Variants in CADPS observed in about 807,000 individuals in gnomAD.
CADPS encodes calcium-dependent secretion activator 1.
A neutral mutation model predicts 167.3 loss-of-function variants in CADPS; 57 were observed. The observed-to-expected ratio is 0.34, with a 90% CI of 0.28 to 0.42. The LOEUF is 0.42. Among genes scored for constraint, CADPS ranks in the 20% least tolerant of loss-of-function variants. CADPS has a pLI of 1.00. For synonymous variants in CADPS, 676 were observed against 635.3 expected (o/e 1.06, Z -0.96); for missense variants, 1,414 against 1,738.1 (o/e 0.81, Z 3.32).
intron 3 of CADPS, among the ~76,000 whole-genome samples, chr3:62,673,587 A>G (rs183885367): frequency 8.2e-4 from 125 of 152,344 alleles, no homozygotes; most frequent in Admixed American, 8.5e-4. Context: ...CAGGATAAAT[A>G]CATAACTTGA....
At chr3:62,808,040 A>AT (rs1168556580) in intron 1 of CADPS, among the ~76,000 whole-genome samples, 3 of 151,532 alleles carry the variant, frequency 2.0e-5, no homozygotes, top group Non-Finnish European at 4.4e-5. Flanking sequence ...CACCCAGCTA[A>AT]TTTTTTGTAT....
rs2068478349 is a variant in CADPS, at chr3:62,514,207, GAA to G, written c.2582-1441_2582-1440del. 6.6e-6 allele frequency among the ~76,000 whole-genome samples: 1 copy of G among 152,036 alleles called. No individual in the cohort carries two copies. The highest frequency in any genetic ancestry group is 1.5e-5 in the Non-Finnish European group (1 of 67,968). On this transcript the variant is annotated intron_variant, in intron 16 of 29. Coordinates refer to ENST00000383710, the MANE Select transcript of CADPS (RefSeq NM_003716.4). The surrounding 1 kb of genome is among the most constrained non-coding windows in gnomAD (Gnocchi z 4.2). ...AGGGTAGGATCAGAGCCTTGTAAAA[GAA>G]AGTTGTCTGGTAGTAATATCTTTCA... is the stretch of plus-strand genomic sequence containing the variant.
At chr3:62,758,173 C>G (rs1312035635) in intron 2 of CADPS, among the ~76,000 whole-genome samples, 2 of 152,220 alleles carry the variant, frequency 1.3e-5, no homozygotes, top group East Asian at 3.8e-4. Context: ...GTCACCTAAC[C>G]TCCATCAGTC....
intron 6 of CADPS, among the ~76,000 whole-genome samples, chr3:62,623,359 T>G (rs959576467): frequency 1.3e-5 from 2 of 152,152 alleles, no homozygotes; most frequent in African/African-American, 4.8e-5. Flanking sequence ...GGGAGTTGAC[T>G]TTTTGGAATG....
At chr3:62,705,353 C>T (rs2082129155) in intron 3 of CADPS, among the ~76,000 whole-genome samples, 1 of 152,114 alleles carries the variant, frequency 6.6e-6, no homozygotes, top group South Asian at 2.1e-4. Flanking sequence ...AGCATCTTTC[C>T]TCAGTTGCTC....
At chr3:62,854,227 T>C (rs568608451) in intron 1 of CADPS, among the ~76,000 whole-genome samples, 1 of 152,168 alleles carries the variant, frequency 6.6e-6, no homozygotes, top group East Asian at 1.9e-4. Context: ...AGAATTTGTG[T>C]GGTTGGAATT....
Position 62,516,592 on chromosome 3 carries a change from T to C in CADPS, c.2445A>G (p.Ser815=). ...CTTTCATTCTTACCCTTTCCAAGAG[T>C]GAGAGAGTAGCTTTCAAAGCACCTT... ...RPEGALKATL[S]LLERVLMKDI... is the part of the protein sequence containing the mutation. Residue 815 remains serine (S), a synonymous_variant, in exon 15 of 30, where the codon TCA becomes TCG. Transcript: ENST00000383710. 4 of 1,605,298 alleles carry C rather than the reference T, an allele frequency of 2.5e-6. No homozygotes were observed. Among genetic ancestry groups the C allele is most frequent in the Non-Finnish European group, 3.4e-6 (4 of 1,173,984 alleles).
chr3:62,686,851 T>C (rs528343410), intron 3 of CADPS, among the ~76,000 whole-genome samples: 1 of 152,216 alleles, frequency 6.6e-6, no homozygotes, highest in South Asian at 2.1e-4. Flanking sequence ...CAGAATGCAT[T>C]GGGTAGTTAG....
intron 6 of CADPS, chr3:62,626,631 G>A: frequency 2.9e-6 from 2 of 698,066 alleles, no homozygotes; most frequent in East Asian, 2.7e-5. Context: ...AGCCTTTTTT[G>A]TTGTACAAAG....
intron 3 of CADPS, among the ~76,000 whole-genome samples, chr3:62,705,217 T>A (rs1352275000): frequency 6.6e-6 from 1 of 152,110 alleles, no homozygotes; most frequent in African/African-American, 2.4e-5. Flanking sequence ...CCAAACAGTG[T>A]CTGGGGTGAG....
rs17066867 is a variant in CADPS at position 62,689,691 on chromosome 3, C to T, written c.889-27297G>A. Among the ~76,000 whole-genome samples the T allele has an allele frequency of 9.6e-3, 1,462 of 152,112 alleles. 28 individuals are homozygous for T. The highest frequency in any genetic ancestry group is 0.033 in the African/African-American group (1,388 of 41,474). ...ATAGAATTTCTTCCTGCCAAGTAAC[C>T]GAAATTTATCAGACCCTTGTCCTAA... is the stretch of plus-strand genomic sequence containing the variant. On this transcript the variant is annotated intron_variant, in intron 3 of 29. Transcript: ENST00000383710.
At chr3:62,681,581 T>G (rs1487945602) in intron 3 of CADPS, among the ~76,000 whole-genome samples, 1 of 152,084 alleles carries the variant, frequency 6.6e-6, no homozygotes, top group Non-Finnish European at 1.5e-5. Context: ...TAGAAACTTC[T>G]GAGGGCAGAA....
intron 28 of CADPS, among the ~76,000 whole-genome samples, chr3:62,407,868 G>A (rs1224520216): frequency 6.6e-6 from 1 of 152,074 alleles, no homozygotes; most frequent in South Asian, 2.1e-4. Context: ...TGAGTAGCTG[G>A]GACTACAGGT....
At chr3:62,678,865 A>G (rs975406256) in intron 3 of CADPS, among the ~76,000 whole-genome samples, 1 of 152,020 alleles carries the variant, frequency 6.6e-6, no homozygotes, top group Non-Finnish European at 1.5e-5. Flanking sequence ...TGTCCAACCT[A>G]GCCCTACTAT....
At chr3:62,838,020 A>G (rs1003145659) in intron 1 of CADPS, among the ~76,000 whole-genome samples, 4 of 152,222 alleles carry the variant, frequency 2.6e-5, no homozygotes. Context: ...GTTAGCTTTT[A>G]GGAAAACAAA....
At chr3:62,638,209 T>G (rs899358510) in intron 6 of CADPS, among the ~76,000 whole-genome samples, 1 of 151,942 alleles carries the variant, frequency 6.6e-6, no homozygotes, top group African/African-American at 2.4e-5. Context: ...GGCTCTCAAT[T>G]TTGTACTCTT....
chr3:62,692,801 G>A (rs9869785), intron 3 of CADPS, among the ~76,000 whole-genome samples: 27,517 of 151,878 alleles, frequency 0.18, 3,241 homozygotes, highest in African/African-American at 0.34. Flanking sequence ...TTTTAAATTA[G>A]GATCAGTTTG....
chr3:62,631,104 T>C (rs1361504643), intron 6 of CADPS, among the ~76,000 whole-genome samples: 1 of 139,646 alleles, frequency 7.2e-6, no homozygotes, highest in Non-Finnish European at 1.5e-5. Flanking sequence ...ACTTTATCTG[T>C]ATAATACACA....
Position 62,478,007 on chromosome 3 carries a change from C to G in CADPS, c.3329+254G>C. On this transcript the variant is annotated intron_variant, in intron 23 of 29. Transcript: ENST00000383710. This position sits in a 1 kb window ranked among gnomAD's most constrained non-coding sequence, Gnocchi z 5.7. The stretch of plus-strand genomic sequence containing the variant: ...TATCAGGGATACAAAAAAGAATGGA[C>G]AGGGATCTTTTCCTCTTAAAGCCAA... 2.2e-6 allele frequency: 1 copy of G among 448,706 alleles called. No individual in the cohort carries two copies. Among genetic ancestry groups the G allele is most frequent in the South Asian group, 3.9e-5 (1 of 25,502 alleles). 27.8% of individuals were successfully genotyped at this position (448,706 alleles called of 1,614,324 possible). A position where few individuals can be genotyped will look rare whatever the true frequency, so the allele number is the denominator to read the frequency against.
Sources: allele counts gnomAD v4.1 joint callset (sites outside exome capture counted in the v4.1 genomes callset), GRCh38; gene constraint gnomAD v4.1.1; non-coding constraint Gnocchi (gnomAD v3.1); transcripts MANE v1.5; gene names NCBI Gene and HGNC (gene_info 2026-07-23, HGNC 2026-07-21).